Variants in TIAM1 observed in about 807,000 individuals in gnomAD.
TIAM1 encodes the protein rho guanine nucleotide exchange factor TIAM1.
A neutral mutation model predicts 163.5 loss-of-function variants in TIAM1; 65 were observed. That is an observed-to-expected ratio of 0.40 (90% confidence interval 0.33 to 0.49). The LOEUF (loss-of-function observed/expected upper bound fraction) is 0.49. Among genes scored for constraint, TIAM1 ranks in the 20% least tolerant of loss-of-function variants. The probability of loss-of-function intolerance (pLI) is 0.77; values close to 1 mark genes in which losing one functional copy is unlikely to be tolerated. For synonymous variants in TIAM1, 833 were observed against 810.1 expected, an observed-to-expected ratio of 1.03 and a Z score of -0.48; for missense variants, 1,789 against 2,044.7, an observed-to-expected ratio of 0.87 and a Z score of 2.41.
chr21:31,134,536 A>C (rs2082542949), intron 23 of TIAM1, among the ~76,000 whole-genome samples: 1 of 152,032 alleles, frequency 6.6e-6, no homozygotes, highest in African/African-American at 2.4e-5. Context: ...TTTGAGACAG[A>C]GTCTTGCTCT....
At chr21:31,144,830 GAAAAAAAAAAAAAAA>G (rs764835303) in intron 20 of TIAM1, among the ~76,000 whole-genome samples, 1 of 74,484 alleles carries the variant, frequency 1.3e-5, no homozygotes, top group Non-Finnish European at 2.4e-5. Flanking sequence ...CTCCATCTCA[GAAAAAAAAAAAAAAA>G]AAAAAAAGAA....
chr21:31,466,087 T>C (rs1447248458), intron 1 of TIAM1, among the ~76,000 whole-genome samples: 2 of 152,190 alleles, frequency 1.3e-5, no homozygotes, highest in Non-Finnish European at 2.9e-5. Context: ...TTATGATGGG[T>C]CATGTCAAAG....
intron 2 of TIAM1, among the ~76,000 whole-genome samples, chr21:31,277,710 A>G (rs901575080): frequency 6.6e-6 from 1 of 152,152 alleles, no homozygotes; most frequent in African/African-American, 2.4e-5. Flanking sequence ...TGCTCTGTCT[A>G]TGGAGTAGCC....
chr21:31,350,385 G>A (rs535080073), intron 2 of TIAM1, among the ~76,000 whole-genome samples: 3 of 152,286 alleles, frequency 2.0e-5, no homozygotes, highest in South Asian at 4.1e-4. Flanking sequence ...AGGGAGTGGA[G>A]AATGACGCTG....
chr21:31,418,395 C>A (rs2147254046), intron 2 of TIAM1, among the ~76,000 whole-genome samples: 2 of 138,872 alleles, frequency 1.4e-5, no homozygotes, highest in East Asian at 2.1e-4. Context: ...TGTTTAGACA[C>A]AGGGTGGTGG....
chr21:31,314,921 T>G (rs1184159697), intron 2 of TIAM1, among the ~76,000 whole-genome samples: 7 of 152,172 alleles, frequency 4.6e-5, no homozygotes, highest in Non-Finnish European at 1.0e-4. Context: ...GGGACGTACC[T>G]GCATTTGTAT....
intron 1 of TIAM1, among the ~76,000 whole-genome samples, chr21:31,546,014 T>C (rs1214093782): frequency 2.6e-5 from 4 of 152,036 alleles, no homozygotes; most frequent in African/African-American, 7.2e-5. Context: ...GAGAAAATCA[T>C]ACAGAAGAAA....
rs565360962 is a variant in TIAM1 at position 31,269,773 on chromosome 21, G to A, written c.-11-2790C>T. 2.2e-4 allele frequency among the ~76,000 whole-genome samples: 33 copies of A among 149,940 alleles called. 1 individual carries two copies. In the South Asian group the frequency reaches 6.7e-3, roughly 31 times the overall value. On this transcript the variant is annotated intron_variant, in intron 3 of 27. Transcript: ENST00000541036. ...TGCAAGCTCCACCTCCCAGGTTCAC[G>A]CCATTCTCCTGCCTCAGCCTCCCGA...
chr21:31,267,757 T>C (rs2146823527), intron 3 of TIAM1, among the ~76,000 whole-genome samples: 1 of 152,210 alleles, frequency 6.6e-6, no homozygotes, highest in South Asian at 2.1e-4. Context: ...AAATAGAAAC[T>C]CCGCTCTCTG....
intron 1 of TIAM1, among the ~76,000 whole-genome samples, chr21:31,473,458 A>C (rs1355162324): frequency 1.5e-5 from 2 of 136,210 alleles, no homozygotes; most frequent in Non-Finnish European, 3.2e-5. Context: ...AAAAAAAAAA[A>C]AAAAAAAACA....
chr21:31,414,582 T>C (rs961963339), intron 2 of TIAM1, among the ~76,000 whole-genome samples: 2 of 152,222 alleles, frequency 1.3e-5, no homozygotes, highest in African/African-American at 2.4e-5. Context: ...TCCTCCTGTC[T>C]CTTGTCCAAC....
chr21:31,365,710 C>G (rs2076493320), intron 2 of TIAM1, among the ~76,000 whole-genome samples: 1 of 151,732 alleles, frequency 6.6e-6, no homozygotes, highest in Non-Finnish European at 1.5e-5. Context: ...ATTTCTAAAT[C>G]TTCAGCACTT....
chr21:31,334,942 C>T (rs1002864602), intron 2 of TIAM1, among the ~76,000 whole-genome samples: 2 of 152,106 alleles, frequency 1.3e-5, no homozygotes, highest in Non-Finnish European at 2.9e-5. Flanking sequence ...CCACCCGACC[C>T]CCAACCCAGG....
chr21:31,486,262 A>G lies in TIAM1; in HGVS notation c.-421-22227T>C, dbSNP rs543544904. On this transcript the variant is annotated intron_variant, in intron 1 of 28. Coordinates refer to the TIAM1 transcript ENST00000286827. Reference sequence around the variant, plus strand: ...TTTCCACTCTGGATCATCCTGGGGAAAAAATGAAAACGCTCGCCCTCTGAC... The same window carrying G: ...TTTCCACTCTGGATCATCCTGGGGAGAAAATGAAAACGCTCGCCCTCTGAC... 6.6e-5 allele frequency among the ~76,000 whole-genome samples: 10 copies of G among 152,346 alleles called. No homozygotes were observed. In the South Asian group the frequency reaches 2.1e-3, roughly 32 times the overall value.
chr21:31,157,388 A>C (rs2083675588), intron 16 of TIAM1, among the ~76,000 whole-genome samples: 1 of 152,234 alleles, frequency 6.6e-6, no homozygotes, highest in African/African-American at 2.4e-5. Flanking sequence ...TAGCAAGAAC[A>C]ACTTTGGCAG....
chr21:31,338,426 G>C (rs1008610393), intron 2 of TIAM1, among the ~76,000 whole-genome samples: 1 of 152,176 alleles, frequency 6.6e-6, no homozygotes, highest in Non-Finnish European at 1.5e-5. Context: ...CAAGGTCGAG[G>C]TGCGTTTGTC....
intron 1 of TIAM1, among the ~76,000 whole-genome samples, chr21:31,533,654 G>A (rs941248912): frequency 4.6e-5 from 7 of 152,128 alleles, no homozygotes; most frequent in Admixed American, 3.9e-4. Flanking sequence ...GATCACTTAA[G>A]CCCAGAAGTT....
intron 2 of TIAM1, among the ~76,000 whole-genome samples, chr21:31,283,384 A>G (rs545599039): frequency 1.3e-5 from 2 of 152,322 alleles, no homozygotes; most frequent in South Asian, 2.1e-4. Context: ...ATATTCATAC[A>G]GCCTGACTCT....
Position 31,360,101 on chromosome 21 carries a change from T to C in TIAM1, c.-368-20679A>G, listed in dbSNP as rs548071418. 3.0e-3 allele frequency among the ~76,000 whole-genome samples: 462 copies of C among 152,122 alleles called. 4 individuals carry two copies. Among genetic ancestry groups the C allele is most frequent in the African/African-American group, 0.011 (448 of 41,506 alleles). On this transcript the variant is annotated intron_variant, in intron 2 of 28. Coordinates refer to the TIAM1 transcript ENST00000286827. Reference sequence around the variant, plus strand: ...ACCATAAAAGCAACAAGAAGGAGACTGATGAGCTATTGTACTAAGAAGCAA... The same window carrying C: ...ACCATAAAAGCAACAAGAAGGAGACCGATGAGCTATTGTACTAAGAAGCAA...
Sources: gnomAD v4.1 joint callset for allele counts (sites outside exome capture counted in the v4.1 genomes callset) on GRCh38, gnomAD v4.1.1 for gene constraint, MANE v1.5 for transcripts, NCBI Gene and HGNC (gene_info 2026-07-23, HGNC 2026-07-21) for gene names.